COL7A1: variants seen among roughly 807,000 people sequenced by gnomAD.
COL7A1 encodes collagen type VII alpha 1 chain, also known as collagen alpha-1(VII) chain.
COL7A1 carries 296 observed loss-of-function variants against 456.2 expected under a neutral mutation model. The observed-to-expected ratio is 0.65, with a 90% CI of 0.59 to 0.71. The LOEUF is 0.71. COL7A1 is among the 30% of genes least tolerant of loss of function. The pLI is 0.00. For synonymous variants in COL7A1, 1,464 were observed against 1,525.9 expected (o/e 0.96, Z 0.95); for missense variants, 3,441 against 4,017.2 (o/e 0.86, Z 3.88).
chr3:48,569,491 C>T lies in COL7A1; in HGVS notation c.7615-45G>A, dbSNP rs767314130. On this transcript the variant is annotated intron_variant, in intron 102 of 118. Coordinates refer to ENST00000681320, the MANE Select transcript of COL7A1 (RefSeq NM_000094.4). The surrounding 1 kb of genome is among the most constrained non-coding windows in gnomAD (Gnocchi z 4.9). ...AAGTCACGGTAAGGGGCTGAAGGTC[C>T]CTCACCCTCTGGGAGTTTGAGCTCT... The T allele has an allele frequency of 2.5e-6, 4 of 1,613,820 alleles. No individual in the cohort carries two copies. The South Asian group carries it at 3.3e-5, about 13-fold the overall frequency.
Position 48,589,391 on chromosome 3 carries a change from C to A in COL7A1, c.2250G>T (p.Thr750=), listed in dbSNP as rs769232572. 2 of 1,613,532 alleles carry A rather than the reference C, an allele frequency of 1.2e-6. No homozygotes were observed. Among genetic ancestry groups the A allele is most frequent in the Non-Finnish European group, 1.7e-6 (2 of 1,180,006 alleles). ...LDGLEPDTEY[T]VHVRAHVAGV... Reference sequence around the variant, plus strand: ...CAGCCACATGGGCCCTCACATGCACCGTATACTCAGTATCTGGCTCCAGTC... The same window carrying A: ...CAGCCACATGGGCCCTCACATGCACAGTATACTCAGTATCTGGCTCCAGTC... The change falls in exon 18 of 119, where the codon ACG becomes ACT. Residue 750 remains threonine, a synonymous_variant. Transcript: ENST00000681320.
chr3:48,578,136 C>T lies in COL7A1; in HGVS notation c.5532+185G>A, dbSNP rs2044450125. ...CTGAGATTGTGCCACTGCACTCCAA[C>T]CTGGGCAACAAGAGCGAAACTCCAT... On this transcript the variant is annotated intron_variant, in intron 65 of 118. Coordinates refer to ENST00000681320, the MANE Select transcript of COL7A1 (RefSeq NM_000094.4). This position sits in a 1 kb window ranked among gnomAD's most constrained non-coding sequence, Gnocchi z 4.7. 6.6e-6 allele frequency among the ~76,000 whole-genome samples: 1 copy of T among 152,088 alleles called. No homozygotes were observed. The highest frequency in any genetic ancestry group is 1.5e-5 in the Non-Finnish European group (1 of 68,026).
At chr3:48,577,237 C>A (rs149559132) in intron 65 of COL7A1, among the ~76,000 whole-genome samples, 1 of 152,374 alleles carries the variant, frequency 6.6e-6, no homozygotes, top group Non-Finnish European at 1.5e-5. Context: ...CAACAGGCAA[C>A]TGCACACATG....
At chr3:48,584,853 C>T (rs564327921) in intron 34 of COL7A1, 57 bp downstream of exon 34, 2 of 1,613,900 alleles carry the variant, frequency 1.2e-6, no homozygotes, top group African/African-American at 1.3e-5. Context: ...CAGGCTCCCA[C>T]CCTGTGGAAG....
At position 48,591,452 on chromosome 3, in the gene COL7A1, C is replaced by A. The variant is rs368664530; in HGVS notation, c.1636+12G>T. ...GTGTGTGTGGTGGGGGTGCTGGCTG[C>A]GTCCACCTCACCCTGGGTGCTGCGC... On this transcript the variant is annotated intron_variant, in intron 13 of 118. Transcript: ENST00000681320. The surrounding 1 kb of genome is among the most constrained non-coding windows in gnomAD (Gnocchi z 7.0). 2 of 1,612,358 alleles carry A rather than the reference C, an allele frequency of 1.2e-6. No individual in the cohort carries two copies. The highest frequency in any genetic ancestry group is 1.7e-6 in the Non-Finnish European group (2 of 1,179,190).
Position 48,586,758 on chromosome 3 carries a change from A to G in COL7A1, c.3277-69T>C. On this transcript the variant is annotated intron_variant, in intron 25 of 118. Coordinates refer to ENST00000681320, the MANE Select transcript of COL7A1 (RefSeq NM_000094.4). This position sits in a 1 kb window ranked among gnomAD's most constrained non-coding sequence, Gnocchi z 5.1. ...AGGGATGGGGGTGCACAGAGCCTGG[A>G]GAAACACATCAGGGTGTGTGTGACC... The G allele has an allele frequency of 6.5e-7, 1 of 1,543,162 alleles. No homozygotes were observed. Among genetic ancestry groups the G allele is most frequent in the East Asian group, 2.5e-5 (1 of 40,788 alleles).
In COL7A1 at chr3:48,594,304, C is replaced by T; in HGVS notation, c.266+64G>A. 3 of 1,584,052 alleles carry T rather than the reference C, an allele frequency of 1.9e-6. No individual in the cohort carries two copies. The highest frequency in any genetic ancestry group is 2.6e-6 in the Non-Finnish European group (3 of 1,164,624). On this transcript the variant is annotated intron_variant, in intron 3 of 118. Transcript: ENST00000681320. This position sits in a 1 kb window ranked among gnomAD's most constrained non-coding sequence, Gnocchi z 5.5. ...GGCCTGGGGTTTCCAGGGTCTCCTCCCTCTCTGGGGAAGGAGTCTTGGTGG... is the reference window on the plus strand; with the variant it reads ...GGCCTGGGGTTTCCAGGGTCTCCTCTCTCTCTGGGGAAGGAGTCTTGGTGG...
chr3:48,586,725 G>A lies in COL7A1; in HGVS notation c.3277-36C>T. 1.3e-6 allele frequency: 2 copies of A among 1,556,018 alleles called. No individual in the cohort carries two copies. The highest frequency in any genetic ancestry group is 1.7e-6 in the Non-Finnish European group (2 of 1,149,368). On this transcript the variant is annotated intron_variant, in intron 25 of 118. Coordinates refer to ENST00000681320, the MANE Select transcript of COL7A1 (RefSeq NM_000094.4). This position sits in a 1 kb window ranked among gnomAD's most constrained non-coding sequence, Gnocchi z 5.1. ...AGGAAACACAGAGCCTGAGGAGGAT[G>A]ACAGAGCAGGGATGGGGGTGCACAG...
Position 48,566,494 on chromosome 3 carries a change from C to G in COL7A1, c.8358+16G>C, listed in dbSNP as rs1190613255. The stretch of plus-strand genomic sequence containing the variant: ...CCCACCCAGGCCCTCCCAGGCCCAT[C>G]CAGGCCCACACTCACCGTCAGTGCA... On this transcript the variant is annotated intron_variant, in intron 113 of 118. Transcript: ENST00000681320. The surrounding 1 kb of genome is among the most constrained non-coding windows in gnomAD (Gnocchi z 5.9). 1.9e-6 allele frequency: 3 copies of G among 1,589,764 alleles called. No individual in the cohort carries two copies. Among genetic ancestry groups the G allele is most frequent in the Non-Finnish European group, 8.6e-7 (1 of 1,160,540 alleles).
At position 48,579,569 on chromosome 3, in the gene COL7A1, G is replaced by A. The variant is rs2070771; in HGVS notation, c.5235+19C>T. 313 of 1,613,814 alleles carry A rather than the reference G, an allele frequency of 1.9e-4. No individual in the cohort carries two copies. Among genetic ancestry groups the A allele is most frequent in the East Asian group, 1.3e-3 (58 of 44,862 alleles). On this transcript the variant is annotated intron_variant, in intron 59 of 118. Transcript: ENST00000681320. The surrounding 1 kb of genome is among the most constrained non-coding windows in gnomAD (Gnocchi z 4.4). ...CAGGCCCTCCCATGCCTGCACCCCC[G>A]AGGACCAATCACACTCACCCTTTCC...
chr3:48,584,241 T>C, intron 37 of COL7A1, 57 bp downstream of exon 37: 2 of 1,553,942 alleles, frequency 1.3e-6, no homozygotes, highest in Non-Finnish European at 1.8e-6. Flanking sequence ...AGGGGTTATG[T>C]GGGTTCAAAT....
chr3:48,586,988 C>A lies in COL7A1; in HGVS notation c.3260G>T (p.Gly1087Val). The change falls in exon 25 of 119, where the codon GGG becomes GTG. Residue 1087 changes from glycine to valine, a missense_variant. This residue lies in a region of COL7A1 where 444 missense variants were observed against 427.6 expected (regional missense o/e 1.04). Coordinates refer to ENST00000681320, the MANE Select transcript of COL7A1 (RefSeq NM_000094.4). This position sits in a 1 kb window ranked among gnomAD's most constrained non-coding sequence, Gnocchi z 5.1. The part of the protein sequence containing the change: ...ERLVLALGPL[G>V]PQAVQVGLLS... ...GGGCCAAACCTGAACTGCCTGTGGC[C>A]CAAGAGGCCCAAGTGCCAACACCAG... 1 of 1,596,498 alleles carries A rather than the reference C, an allele frequency of 6.3e-7. No homozygotes were observed. The highest frequency in any genetic ancestry group is 8.5e-7 in the Non-Finnish European group (1 of 1,171,840).
chr3:48,588,723 C>T lies in COL7A1; in HGVS notation c.2506G>A (p.Gly836Ser). Residue 836 changes from glycine (G) to serine (S), a missense_variant, in exon 20 of 119, where the codon GGT (glycine) becomes AGT (serine). Around this residue, in one of 3 missense-constraint regions of COL7A1, gnomAD observed 444 missense variants for 427.6 expected, o/e 1.04. Coordinates refer to ENST00000681320, the MANE Select transcript of COL7A1 (RefSeq NM_000094.4). This position sits in a 1 kb window ranked among gnomAD's most constrained non-coding sequence, Gnocchi z 4.6. The part of the protein sequence containing the change: ...TDSAEIRGLE[G>S]GVSYSVRVTA... ...ACTCGCACTGAGTAGCTGACTCCACCTTCGAGACCCCGGATCTCTGCAGAG... is the reference window on the plus strand; with the variant it reads ...ACTCGCACTGAGTAGCTGACTCCACTTTCGAGACCCCGGATCTCTGCAGAG... 6.2e-7 allele frequency: 1 copy of T among 1,613,904 alleles called. No homozygotes were observed. The highest frequency in any genetic ancestry group is 8.5e-7 in the Non-Finnish European group (1 of 1,180,046).
Position 48,583,741 on chromosome 3 carries a change from G to A in COL7A1, c.4318C>T (p.Pro1440Ser), listed in dbSNP as rs539692401. The A allele has an allele frequency of 1.2e-6, 2 of 1,614,024 alleles. No homozygotes were observed. Among genetic ancestry groups the A allele is most frequent in the African/African-American group, 2.7e-5 (2 of 75,024 alleles). ...GSPGPQGPVG[P>S]PGKKGEKGDS... ...ACTTTTTCTCCTTTCTTTCCAGGGG[G>A]GCCAACGGGGCCTTGGGGTCCAGGG... Residue 1440 changes from proline (P) to serine (S), a missense_variant, in exon 40 of 119, where the codon CCC (proline) becomes TCC (serine). By Grantham distance (74) the Pro-to-Ser change is moderately conservative (BLOSUM62 -1). Around this residue, in one of 3 missense-constraint regions of COL7A1, gnomAD observed 2,084 missense variants for 2,501.3 expected, o/e 0.83. Coordinates refer to ENST00000681320, the MANE Select transcript of COL7A1 (RefSeq NM_000094.4). This position sits in a 1 kb window ranked among gnomAD's most constrained non-coding sequence, Gnocchi z 5.1.
rs374704883 is a variant in COL7A1, at chr3:48,574,635, G to A, written c.6393+42C>T. ...GCACACCACCTCTAGTGTGCCCCCA[G>A]AAAGGAGGGGGACTCTATGGAAGGG... is the stretch of plus-strand genomic sequence containing the variant. On this transcript the variant is annotated intron_variant, in intron 78 of 118. Transcript: ENST00000681320. The surrounding 1 kb of genome is among the most constrained non-coding windows in gnomAD (Gnocchi z 5.0). 84 of 1,613,848 alleles carry A rather than the reference G, an allele frequency of 5.2e-5. No homozygotes were observed. The African/African-American group carries it at 1.0e-3, about 19-fold the overall frequency.
chr3:48,590,648 T>TCCA lies in COL7A1; in HGVS notation c.1780+22_1780+24dup. The TCCA allele has an allele frequency of 6.2e-7, 1 of 1,613,884 alleles. No homozygotes were observed. Among genetic ancestry groups the TCCA allele is most frequent in the Non-Finnish European group, 8.5e-7 (1 of 1,180,018 alleles). On this transcript the variant is annotated intron_variant, in intron 14 of 118. Transcript: ENST00000681320. The surrounding 1 kb of genome is among the most constrained non-coding windows in gnomAD (Gnocchi z 4.6). Reference sequence around the variant, plus strand: ...ACCAGAGTGAGGCAGGCAGCTGTCCTCCACAAGCCTCCTGCAGTACTCACC... The same window carrying TCCA: ...ACCAGAGTGAGGCAGGCAGCTGTCCTCCACCACAAGCCTCCTGCAGTACTCACC...
rs2045382895 is a variant in COL7A1 at position 48,587,817 on chromosome 3, A to G, written c.2833T>C (p.Ser945Pro). 6.2e-7 allele frequency: 1 copy of G among 1,613,342 alleles called. No homozygotes were observed. The highest frequency in any genetic ancestry group is 8.5e-7 in the Non-Finnish European group (1 of 1,179,962). The change falls in exon 22 of 119, where the codon TCT becomes CCT. Residue 945 changes from serine (S) to proline (P), a missense_variant. This residue lies in a region of COL7A1 where 444 missense variants were observed against 427.6 expected (regional missense o/e 1.04). Transcript: ENST00000681320. This position sits in a 1 kb window ranked among gnomAD's most constrained non-coding sequence, Gnocchi z 6.1. ...SVLGPAGEGPSAEVTARTESP... is the reference protein window; with the variant it reads ...SVLGPAGEGPPAEVTARTESP... ...CCAGTGCGCGCAGTCACCTCTGCAG[A>G]GGGCCCTTCTCCAGCTGGCCCTAGG... is the stretch of plus-strand genomic sequence containing the variant.
chr3:48,575,167 C>A lies in COL7A1; in HGVS notation c.6216+40G>T. On this transcript the variant is annotated intron_variant, in intron 75 of 118. Transcript: ENST00000681320. This position sits in a 1 kb window ranked among gnomAD's most constrained non-coding sequence, Gnocchi z 6.3. Reference sequence around the variant, plus strand: ...AAATGGGGTGGCAGCCCCAGCACAGCCTCCAGACAGCCTGCCCCACGAAGC... The same window carrying A: ...AAATGGGGTGGCAGCCCCAGCACAGACTCCAGACAGCCTGCCCCACGAAGC... 1 of 1,613,938 alleles carries A rather than the reference C, an allele frequency of 6.2e-7. No homozygotes were observed. The highest frequency in any genetic ancestry group is 8.5e-7 in the Non-Finnish European group (1 of 1,179,966).
intron 18 of COL7A1, 127 bp downstream of exon 18, chr3:48,589,200 T>G (rs1228513939): frequency 3.3e-6 from 5 of 1,496,186 alleles, no homozygotes; most frequent in Non-Finnish European, 4.6e-6. Context: ...TTAATCAGTG[T>G]GGGGTGGGTC....
Sources: gnomAD v4.1 joint callset for allele counts (sites outside exome capture counted in the v4.1 genomes callset) on GRCh38, gnomAD v4.1.1 for gene constraint, gnomAD v4.1.1 regional missense constraint, Gnocchi (gnomAD v3.1) non-coding constraint, MANE v1.5 for transcripts, NCBI Gene and HGNC (gene_info 2026-07-23, HGNC 2026-07-21) for gene names.